PCDHA10: variants seen among roughly 807,000 people sequenced by gnomAD.
PCDHA10 encodes protocadherin alpha-10.
Under a neutral mutation model 61.2 loss-of-function variants are expected in PCDHA10, and 45 were observed. That is an observed-to-expected ratio of 0.74 (90% CI 0.58 to 0.94). The LOEUF is 0.94. Among genes scored for constraint, PCDHA10 ranks in the 40% least tolerant of loss-of-function variants. The probability of loss-of-function intolerance (pLI) is 0.00; values close to 1 mark genes in which losing one functional copy is unlikely to be tolerated. For missense variants in PCDHA10, 1,278 were observed against 1,236.2 expected, an observed-to-expected ratio of 1.03 and a Z score of -0.51; for synonymous variants, 602 against 548.8, an observed-to-expected ratio of 1.10 and a Z score of -1.35.
intron 3 of PCDHA10, among the ~76,000 whole-genome samples, chr5:140,992,478 A>T (rs2097514142): frequency 6.6e-6 from 1 of 152,210 alleles, no homozygotes; most frequent in African/African-American, 2.4e-5. Flanking sequence ...TAGATCACCC[A>T]GAGGCCAATC....
intron 1 of PCDHA10, among the ~76,000 whole-genome samples, chr5:140,900,463 C>T (rs1319110335): frequency 6.6e-6 from 1 of 152,130 alleles, no homozygotes; most frequent in African/African-American, 2.4e-5. Flanking sequence ...TTTTAGTAGA[C>T]ACGGAGTTTC....
At chr5:140,887,539 C>T in intron 1 of PCDHA10, among the ~76,000 whole-genome samples, 1 of 152,082 alleles carries the variant, frequency 6.6e-6, no homozygotes, top group East Asian at 1.9e-4. Flanking sequence ...CCTCTCCCCA[C>T]CCCTCATGGT....
At chr5:140,976,518 A>G (rs2096720750) in intron 1 of PCDHA10, among the ~76,000 whole-genome samples, 1 of 152,070 alleles carries the variant, frequency 6.6e-6, no homozygotes, top group Admixed American at 6.6e-5. Flanking sequence ...GCCACTGCAC[A>G]CCAGCCTAAA....
rs782781172 is a variant in PCDHA10, at chr5:140,858,421, G to C, written c.2373G>C (p.Gly791=). ...ACGGGGAAGATCAGTCTATTGGAGG[G>C]GACCACTCTAGGAAGGTGGGTTATT... The part of the protein sequence containing the change: ...DVDGEDQSIG[G]DHSRKPRQPN... The change falls in exon 1 of 4, where the codon GGG becomes GGC. Residue 791 remains glycine (G), a synonymous_variant. Transcript: ENST00000307360. 1.3e-6 allele frequency: 2 copies of C among 1,557,082 alleles called. No homozygotes were observed. The highest frequency in any genetic ancestry group is 1.4e-5 in the African/African-American group (1 of 73,560).
chr5:140,925,612 G>A (rs895763627), intron 1 of PCDHA10, among the ~76,000 whole-genome samples: 2 of 150,356 alleles, frequency 1.3e-5, no homozygotes, highest in Non-Finnish European at 3.0e-5. Flanking sequence ...AAACCTGCAC[G>A]TTGTGCACAT....
At position 140,867,338 on chromosome 5, in the gene PCDHA10, A is replaced by C. The variant is rs535853406; in HGVS notation, c.2388+8902A>C. The stretch of plus-strand genomic sequence containing the variant: ...TGGTCTAATGTTATGTTTTGATTAG[A>C]GGCTACTATGATTGATTATTTTACA... On this transcript the variant is annotated intron_variant, in intron 1 of 3. Transcript: ENST00000307360. 3.3e-5 allele frequency: 5 copies of C among 152,270 alleles called. No individual in the cohort carries two copies. In the East Asian group the frequency reaches 5.8e-4, roughly 18 times the overall value. The allele number at this position is 152,270 out of a possible 1,614,324, so 9.4% of individuals were successfully genotyped here.
At chr5:140,901,207 T>C (rs894216497) in intron 1 of PCDHA10, among the ~76,000 whole-genome samples, 1 of 152,206 alleles carries the variant, frequency 6.6e-6, no homozygotes, top group Non-Finnish European at 1.5e-5. Context: ...AGAAGGTTTT[T>C]AAGTTGATGT....
At chr5:140,891,722 T>C (rs534881594) in intron 1 of PCDHA10, among the ~76,000 whole-genome samples, 1 of 152,292 alleles carries the variant, frequency 6.6e-6, no homozygotes, top group East Asian at 1.9e-4. Flanking sequence ...CAAATTCATG[T>C]GTTGAAAATT....
At chr5:140,917,305 C>A (rs1554197951) in intron 1 of PCDHA10, among the ~76,000 whole-genome samples, 1 of 137,092 alleles carries the variant, frequency 7.3e-6, no homozygotes, top group Non-Finnish European at 1.5e-5. Flanking sequence ...ATAGTTGTTA[C>A]AATTTGGTGT....
intron 1 of PCDHA10, among the ~76,000 whole-genome samples, chr5:140,972,724 C>T (rs953044769): frequency 1.9e-4 from 27 of 140,890 alleles, no homozygotes; most frequent in Non-Finnish European, 3.3e-4. Context: ...AGTGCAGTGG[C>T]GTAATCCCGG....
At chr5:140,869,377 C>A (rs1055077118) in intron 1 of PCDHA10, 2 of 1,614,110 alleles carry the variant, frequency 1.2e-6, no homozygotes, top group Non-Finnish European at 8.5e-7. Context: ...TCGGATCGAC[C>A]GCGAGGAGCT....
chr5:140,950,279 C>G (rs938821559), intron 1 of PCDHA10, among the ~76,000 whole-genome samples: 11 of 151,924 alleles, frequency 7.2e-5, no homozygotes, highest in African/African-American at 2.4e-4. Flanking sequence ...TGTCTTTTTG[C>G]TTCAACCTGA....
intron 1 of PCDHA10, chr5:140,883,536 T>C (rs1178559999): frequency 8.7e-6 from 14 of 1,614,202 alleles, no homozygotes; most frequent in Non-Finnish European, 1.2e-5. Flanking sequence ...GCCTATGAAC[T>C]GGTGGTGACC....
At chr5:140,885,174 A>G (rs568198348) in intron 1 of PCDHA10, among the ~76,000 whole-genome samples, 11 of 152,108 alleles carry the variant, frequency 7.2e-5, no homozygotes, top group African/African-American at 2.6e-4. Context: ...TTTGTCCTCT[A>G]GGCACATCAG....
chr5:140,994,558 A>G (rs1414971844), intron 3 of PCDHA10, among the ~76,000 whole-genome samples: 4 of 151,948 alleles, frequency 2.6e-5, no homozygotes, highest in Non-Finnish European at 5.9e-5. Context: ...TATAAAAATT[A>G]GCCGGGTGTG....
chr5:140,927,277 G>T, intron 1 of PCDHA10: 1 of 1,614,016 alleles, frequency 6.2e-7, no homozygotes, highest in Non-Finnish European at 8.5e-7. Context: ...TGCCGGCGAC[G>T]TGCAGCTGCA....
intron 1 of PCDHA10, among the ~76,000 whole-genome samples, chr5:140,911,760 A>G (rs1295639313): frequency 6.6e-6 from 1 of 151,962 alleles, no homozygotes; most frequent in African/African-American, 2.4e-5. Flanking sequence ...TCTCCATACT[A>G]TTAGAAGTAC....
chr5:140,895,281 A>C (rs2064944456), intron 1 of PCDHA10, among the ~76,000 whole-genome samples: 1 of 152,118 alleles, frequency 6.6e-6, no homozygotes, highest in South Asian at 2.1e-4. Context: ...GGATAATTGA[A>C]TTAGGACCTT....
chr5:140,969,554 T>C (rs2096342030), intron 1 of PCDHA10: 12 of 1,222,074 alleles, frequency 9.8e-6, no homozygotes, highest in Non-Finnish European at 1.3e-5. Context: ...TGAAGCCTTG[T>C]CCATAAAATT....
Sources: allele counts gnomAD v4.1 joint callset (sites outside exome capture counted in the v4.1 genomes callset), GRCh38; gene constraint gnomAD v4.1.1; transcripts MANE v1.5; gene names NCBI Gene and HGNC (gene_info 2026-07-23, HGNC 2026-07-21).